The following SMCHD1 variants were observed in gnomAD, a reference collection of about 807,000 sequenced individuals.
SMCHD1 encodes structural maintenance of chromosomes flexible hinge domain containing 1, also known as structural maintenance of chromosomes flexible hinge domain-containing protein 1.
In SMCHD1, 78 loss-of-function variants were observed where a neutral mutation model predicts 254.7. The ratio of observed to expected loss-of-function variants is 0.31; its 90% confidence interval spans 0.26 to 0.37. SMCHD1 has a LOEUF of 0.37. Among genes scored for constraint, SMCHD1 ranks in the 10% least tolerant of loss-of-function variants. The pLI, the probability that SMCHD1 is intolerant of heterozygous loss-of-function variation, is 1.00. For missense variants in SMCHD1, 1,840 were observed against 2,408.1 expected, an observed-to-expected ratio of 0.76 and a Z score of 4.94; for synonymous variants, 766 against 794.9, an observed-to-expected ratio of 0.96 and a Z score of 0.61.
At chr18:2,727,085 C>G (rs763899226) in intron 22 of SMCHD1, 3 of 152,532 alleles carry the variant, frequency 2.0e-5, no homozygotes, top group Non-Finnish European at 4.4e-5. Context: ...TATCTACTCC[C>G]TTGGGGTTGT....
intron 17 of SMCHD1, among the ~76,000 whole-genome samples, chr18:2,708,907 T>TATATATATATATATATATAAAA (rs769432583): frequency 5.1e-4 from 23 of 44,704 alleles, no homozygotes; most frequent in Admixed American, 1.8e-3. Context: ...TATATATATA[T>TATATATATATATATATATAAAA]AACATATTAA....
At chr18:2,687,993 T>C (rs1365296722) in intron 5 of SMCHD1, among the ~76,000 whole-genome samples, 3 of 152,234 alleles carry the variant, frequency 2.0e-5, no homozygotes, top group East Asian at 1.9e-4. Flanking sequence ...TATCATGATA[T>C]ATGGAAGTGA....
chr18:2,793,758 G>A (rs561458038), intron 45 of SMCHD1, among the ~76,000 whole-genome samples: 25 of 151,884 alleles, frequency 1.6e-4, no homozygotes, highest in African/African-American at 4.1e-4. Context: ...GGGTCTTGTC[G>A]TCACTCAGTT....
At chr18:2,785,670 A>AAAAGAAAG (rs57180698) in intron 45 of SMCHD1, among the ~76,000 whole-genome samples, 1 of 97,932 alleles carries the variant, frequency 1.0e-5, no homozygotes, top group Admixed American at 1.6e-4. Flanking sequence ...AAAAAAAAAA[A>AAAAGAAAG]ACAGTTCATT....
chr18:2,784,495 G>A lies in SMCHD1; in HGVS notation c.5593G>A (p.Asp1865Asn). The change falls in exon 45 of 48, where the codon GAT becomes AAT. Residue 1865 changes from aspartate (D) to asparagine (N), a missense_variant. Around this residue, in one of 9 missense-constraint regions of SMCHD1, gnomAD observed 114 missense variants for 217.6 expected, o/e 0.52. Coordinates refer to ENST00000320876, the MANE Select transcript of SMCHD1 (RefSeq NM_015295.3). ...HCPTLLTRDG[D>N]RIRSNGKFGG... Reference sequence around the variant, plus strand: ...TCCTACACTGCTGACCAGAGATGGAGATCGAATTCGAAGTAATGGAAAGTT... The same window carrying A: ...TCCTACACTGCTGACCAGAGATGGAAATCGAATTCGAAGTAATGGAAAGTT... 6.2e-7 allele frequency: 1 copy of A among 1,612,796 alleles called. No individual in the cohort carries two copies. Among genetic ancestry groups the A allele is most frequent in the Non-Finnish European group, 8.5e-7 (1 of 1,179,372 alleles).
chr18:2,656,817 C>G (rs920007409), intron 1 of SMCHD1, among the ~76,000 whole-genome samples: 2 of 152,130 alleles, frequency 1.3e-5, no homozygotes, highest in African/African-American at 4.8e-5. Flanking sequence ...TCCTTCCGCA[C>G]GGAGACACTT....
At chr18:2,780,098 G>T (rs2076129327) in intron 44 of SMCHD1, among the ~76,000 whole-genome samples, 2 of 151,728 alleles carry the variant, frequency 1.3e-5, no homozygotes, top group African/African-American at 4.8e-5. Context: ...AATTAGCCAG[G>T]CGTGGTGGCA....
In SMCHD1 at chr18:2,678,244, GTTCT is replaced by G. The variant is rs1428090350; in HGVS notation, c.638+4108_638+4111del. Among the ~76,000 whole-genome samples, 33 of 83,400 alleles carry G rather than the reference GTTCT, an allele frequency of 4.0e-4. 1 individual carries two copies. Among genetic ancestry groups the G allele is most frequent in the Admixed American group, 1.7e-3 (12 of 7,006 alleles). 54.7% of individuals were successfully genotyped at this position (83,400 alleles called of 152,430 possible). Reference sequence around the variant, plus strand: ...TTCTTTTTCTTTCTTTCTTTCTTTCGTTCTTTCTTTCTCTCTCTCTCTCTCTCTC... The same window carrying G: ...TTCTTTTTCTTTCTTTCTTTCTTTCGTTCTTTCTCTCTCTCTCTCTCTCTC... On this transcript the variant is annotated intron_variant, in intron 5 of 47. Transcript: ENST00000320876.
chr18:2,686,448 A>G (rs1311387151), intron 5 of SMCHD1, among the ~76,000 whole-genome samples: 1 of 152,138 alleles, frequency 6.6e-6, no homozygotes, highest in East Asian at 1.9e-4. Context: ...TAAATATGTC[A>G]CTCAATTTTC....
chr18:2,706,933 A>G (rs1286868015), intron 15 of SMCHD1, among the ~76,000 whole-genome samples: 1 of 152,140 alleles, frequency 6.6e-6, no homozygotes, highest in African/African-American at 2.4e-5. Flanking sequence ...GGCGAAGGGG[A>G]AGCAAGCCAT....
At chr18:2,705,635 T>G in intron 13 of SMCHD1, 59 bp from the exon 14 acceptor site, 2 of 783,764 alleles carry the variant, frequency 2.6e-6, no homozygotes, top group South Asian at 2.3e-5. Flanking sequence ...TATTAAGCCT[T>G]TTTCTCTTCG....
At chr18:2,680,581 C>T (rs1398527283) in intron 5 of SMCHD1, among the ~76,000 whole-genome samples, 1 of 152,152 alleles carries the variant, frequency 6.6e-6, no homozygotes. Context: ...TGTAGTGAAC[C>T]TCAAGGTAAG....
chr18:2,711,002 G>A (rs2074654269), intron 17 of SMCHD1, among the ~76,000 whole-genome samples: 1 of 151,764 alleles, frequency 6.6e-6, no homozygotes, highest in Non-Finnish European at 1.5e-5. Context: ...TTTGAGACGG[G>A]TTCTCACTCT....
Position 2,740,715 on chromosome 18 carries a change from C to T in SMCHD1, c.3527C>T (p.Thr1176Ile), listed in dbSNP as rs553452960. 4.6e-4 allele frequency: 725 copies of T among 1,579,142 alleles called. No individual in the cohort carries two copies. Among genetic ancestry groups the T allele is most frequent in the Non-Finnish European group, 5.9e-4 (680 of 1,155,636 alleles). ...CCCCCTTTTTTAGTTATAATAATTACAGATCAGTACGGAAATCAGATTCAA... is the reference window on the plus strand; with the variant it reads ...CCCCCTTTTTTAGTTATAATAATTATAGATCAGTACGGAAATCAGATTCAA... ...ELQGEVVIIITDQYGNQIQAF... is the reference protein window; with the variant it reads ...ELQGEVVIIIIDQYGNQIQAF... Residue 1176 changes from threonine to isoleucine, a missense_variant, in exon 28 of 48, where the codon ACA (threonine) becomes ATA (isoleucine). Transcript: ENST00000320876.
intron 5 of SMCHD1, among the ~76,000 whole-genome samples, chr18:2,684,021 G>A (rs1447945263): frequency 6.6e-6 from 1 of 152,042 alleles, no homozygotes; most frequent in Non-Finnish European, 1.5e-5. Flanking sequence ...GTAATTAAAT[G>A]TATAATGAGC....
chr18:2,671,608 T>C (rs2073605247), intron 3 of SMCHD1, among the ~76,000 whole-genome samples: 1 of 148,760 alleles, frequency 6.7e-6, no homozygotes, highest in African/African-American at 2.5e-5. Context: ...TTTTTTTTTT[T>C]TTTTTGAGAC....
rs633422 is a variant in SMCHD1 at position 2,724,932 on chromosome 18, A to T, written c.2637A>T (p.Lys879Asn). 0.4 allele frequency: 631,945 copies of T among 1,584,824 alleles called. 135,754 individuals carry two copies. Among genetic ancestry groups the T allele is most frequent in the Non-Finnish European group, 0.45 (519,137 of 1,161,238 alleles). ...GLSLHYEEITKGPNCVIRGVT... is the reference protein window; with the variant it reads ...GLSLHYEEITNGPNCVIRGVT... ...CTTTACATTATGAAGAAATAACCAA[A>T]GGACCAAATTGTGTAATTCGAGGTG... Residue 879 changes from lysine to asparagine, a missense_variant, in exon 21 of 48, where the codon AAA becomes AAT. By Grantham distance (94) the Lys-to-Asn change is moderately conservative (BLOSUM62 0). This residue lies in a region of SMCHD1 where 881 missense variants were observed against 1,009.5 expected (regional missense o/e 0.87). Transcript: ENST00000320876.
chr18:2,698,127 T>A (rs626994), intron 10 of SMCHD1, 86 bp downstream of exon 10: 1 of 1,066,848 alleles, frequency 9.4e-7, no homozygotes, highest in Non-Finnish European at 1.4e-6. Flanking sequence ...ATCGGTTGGG[T>A]TATTCAGGTT....
chr18:2,691,385 C>A (rs1441415318), intron 7 of SMCHD1, among the ~76,000 whole-genome samples: 2 of 152,186 alleles, frequency 1.3e-5, no homozygotes, highest in African/African-American at 4.8e-5. Flanking sequence ...TGGTCTGTTT[C>A]CTTTTCTGAC....
Sources: allele counts gnomAD v4.1 joint callset (sites outside exome capture counted in the v4.1 genomes callset), GRCh38; gene constraint gnomAD v4.1.1; regional missense constraint gnomAD v4.1.1; transcripts MANE v1.5; gene names NCBI Gene and HGNC (gene_info 2026-07-23, HGNC 2026-07-21).